Variants in TDRD3 observed in about 807,000 individuals in gnomAD.
TDRD3 encodes tudor domain containing 3.
In TDRD3, 45 loss-of-function variants were observed where a neutral mutation model predicts 86.7. The observed-to-expected ratio is 0.52, with a 90% CI of 0.41 to 0.67. The LOEUF (loss-of-function observed/expected upper bound fraction) is 0.67, where lower values mean the gene tolerates loss of function less well. Ranked by LOEUF, TDRD3 falls within the 30% of genes least tolerant of loss-of-function variation. The pLI is 0.00. For synonymous variants in TDRD3, 298 were observed against 301.7 expected (o/e 0.99, Z 0.13); for missense variants, 814 against 889.0 (o/e 0.92, Z 1.07).
rs534731502 is a variant in TDRD3 at position 60,489,870 on chromosome 13, A to G, written c.717+3922A>G. On this transcript the variant is annotated intron_variant, in intron 7 of 13. Coordinates refer to ENST00000377881, the MANE Select transcript of TDRD3 (RefSeq NM_001146070.2). ...AGAATATATTTTTTAAAATGATTAT[A>G]GAAAGATGTTCTTTTGATTTACATT... 5.3e-5 allele frequency among the ~76,000 whole-genome samples: 8 copies of G among 152,286 alleles called. No homozygotes were observed. The East Asian group carries it at 1.3e-3, about 26-fold the overall frequency.
intron 1 of TDRD3, among the ~76,000 whole-genome samples, chr13:60,398,408 A>G (rs1429356887): frequency 6.6e-6 from 1 of 152,204 alleles, no homozygotes; most frequent in Non-Finnish European, 1.5e-5. Flanking sequence ...ACTTGGAAAG[A>G]TGGTAAGGAA....
Position 60,529,235 on chromosome 13 carries a change from ATAT to A in TDRD3, c.1992+22_1992+24del, listed in dbSNP as rs576958166. 843 of 1,553,054 alleles carry A rather than the reference ATAT, an allele frequency of 5.4e-4. 10 individuals are homozygous for A. In the South Asian group the frequency reaches 9.8e-3, roughly 18 times the overall value. On this transcript the variant is annotated intron_variant, in intron 11 of 13. Transcript: ENST00000377881. Reference sequence around the variant, plus strand: ...ACAACAAGGTATGGATGCTTTAAAGATATTATACACTAATATTACGAAATGTAA... The same window carrying A: ...ACAACAAGGTATGGATGCTTTAAAGATATACACTAATATTACGAAATGTAA...
At chr13:60,513,865 G>A (rs1957111319) in intron 10 of TDRD3, among the ~76,000 whole-genome samples, 1 of 152,158 alleles carries the variant, frequency 6.6e-6, no homozygotes, top group African/African-American at 2.4e-5. Context: ...CCAGTCTCAG[G>A]TATGTCTTTA....
At chr13:60,492,917 C>CTTT (rs71199004) in intron 7 of TDRD3, among the ~76,000 whole-genome samples, 43 of 115,484 alleles carry the variant, frequency 3.7e-4, no homozygotes, top group Non-Finnish European at 5.4e-4. Flanking sequence ...TCTTTCTTTT[C>CTTT]TTTTTTTTTT....
intron 8 of TDRD3, among the ~76,000 whole-genome samples, chr13:60,501,999 G>T (rs946835897): frequency 6.6e-6 from 1 of 152,184 alleles, no homozygotes; most frequent in South Asian, 2.1e-4. Flanking sequence ...AGGTGGTAAC[G>T]TGTATAACCC....
chr13:60,530,226 C>T (rs796237022), intron 11 of TDRD3, among the ~76,000 whole-genome samples: 4 of 152,066 alleles, frequency 2.6e-5, no homozygotes, highest in Non-Finnish European at 5.9e-5. Flanking sequence ...CTCTGGTTTC[C>T]GTCTGTAGTC....
intron 5 of TDRD3, among the ~76,000 whole-genome samples, chr13:60,480,745 G>A (rs1026502487): frequency 4.6e-5 from 7 of 152,080 alleles, no homozygotes; most frequent in African/African-American, 1.7e-4. Flanking sequence ...TGGGTGTGGG[G>A]TGCTGCAAGT....
In TDRD3 at chr13:60,528,673, C is replaced by A; in HGVS notation, c.1448C>A (p.Thr483Asn). ...PYSRYDRTKD[T>N]SYPLGSQHSD... ...TCTAGATATGACAGAACTAAAGATACTTCATATCCTTTAGGTTCTCAGCAT... is the reference window on the plus strand; with the variant it reads ...TCTAGATATGACAGAACTAAAGATAATTCATATCCTTTAGGTTCTCAGCAT... Residue 483 changes from threonine (T) to asparagine (N), a missense_variant, in exon 11 of 14, where the codon ACT becomes AAT. Transcript: ENST00000377881. 2 of 1,613,636 alleles carry A rather than the reference C, an allele frequency of 1.2e-6. No homozygotes were observed. Among genetic ancestry groups the A allele is most frequent in the Non-Finnish European group, 1.7e-6 (2 of 1,179,726 alleles).
chr13:60,400,143 C>T (rs1461969918), intron 1 of TDRD3, among the ~76,000 whole-genome samples: 1 of 152,152 alleles, frequency 6.6e-6, no homozygotes, highest in Non-Finnish European at 1.5e-5. Context: ...TAAATGGTAC[C>T]TTGTAAAGCT....
intron 1 of TDRD3, among the ~76,000 whole-genome samples, chr13:60,433,040 G>T (rs1954994508): frequency 6.6e-6 from 1 of 151,840 alleles, no homozygotes; most frequent in Non-Finnish European, 1.5e-5. Flanking sequence ...TATTTTTTTT[G>T]ACATAGTCCC....
intron 1 of TDRD3, among the ~76,000 whole-genome samples, chr13:60,397,727 G>GC (rs1442037933): frequency 6.6e-6 from 1 of 151,202 alleles, no homozygotes; most frequent in East Asian, 1.9e-4. Flanking sequence ...GCCGACCGGA[G>GC]CGCCGGGGAG....
chr13:60,409,470 G>A (rs1199607336), intron 1 of TDRD3, among the ~76,000 whole-genome samples: 1 of 152,194 alleles, frequency 6.6e-6, no homozygotes, highest in African/African-American at 2.4e-5. Flanking sequence ...GCTGTATCCT[G>A]TAAAGCCACA....
intron 5 of TDRD3, among the ~76,000 whole-genome samples, chr13:60,474,782 C>T (rs994921696): frequency 1.3e-5 from 2 of 152,050 alleles, no homozygotes; most frequent in Non-Finnish European, 1.5e-5. Context: ...TTACCATTTC[C>T]GTCCCTCTCT....
intron 1 of TDRD3, among the ~76,000 whole-genome samples, chr13:60,413,076 A>G (rs1294476984): frequency 6.6e-6 from 1 of 151,296 alleles, no homozygotes; most frequent in Non-Finnish European, 1.5e-5. Flanking sequence ...TACCCAATAT[A>G]TATGAACTAA....
chr13:60,565,179 C>A (rs1958424884), intron 12 of TDRD3, among the ~76,000 whole-genome samples: 1 of 150,856 alleles, frequency 6.6e-6, no homozygotes, highest in Non-Finnish European at 1.5e-5. Flanking sequence ...CCTCAGTCTC[C>A]CGAGTAGCTG....
At chr13:60,492,851 T>C (rs562490392) in intron 7 of TDRD3, among the ~76,000 whole-genome samples, 2 of 152,124 alleles carry the variant, frequency 1.3e-5, no homozygotes, top group East Asian at 3.9e-4. Flanking sequence ...TCATCCAACA[T>C]TTTAAAAAAG....
At chr13:60,398,301 A>G (rs1313542807) in intron 1 of TDRD3, among the ~76,000 whole-genome samples, 1 of 152,138 alleles carries the variant, frequency 6.6e-6, no homozygotes, top group Non-Finnish European at 1.5e-5. Flanking sequence ...GCATTAAAAG[A>G]CCAAACAAAA....
At chr13:60,452,216 G>C (rs1955565311) in intron 3 of TDRD3, among the ~76,000 whole-genome samples, 1 of 152,080 alleles carries the variant, frequency 6.6e-6, no homozygotes, top group Non-Finnish European at 1.5e-5. Flanking sequence ...TAATTTATTG[G>C]AAGTATATGG....
At chr13:60,497,653 C>G (rs1379200087) in intron 8 of TDRD3, among the ~76,000 whole-genome samples, 1 of 152,148 alleles carries the variant, frequency 6.6e-6, no homozygotes, top group African/African-American at 2.4e-5. Context: ...ACAGTCTTGC[C>G]AGGTGTCTAC....
Sources: gnomAD v4.1 joint callset for allele counts (sites outside exome capture counted in the v4.1 genomes callset) on GRCh38, gnomAD v4.1.1 for gene constraint, MANE v1.5 for transcripts, NCBI Gene and HGNC (gene_info 2026-07-23, HGNC 2026-07-21) for gene names.